The following MSRA variants were observed in gnomAD, a reference collection of about 807,000 sequenced individuals.
MSRA encodes the protein methionine sulfoxide reductase A.
A neutral mutation model predicts 31.3 loss-of-function variants in MSRA; 54 were observed. The observed-to-expected ratio is 1.73, with a 90% CI of 1.39 to 2.17. The LOEUF is 2.17. MSRA is among the 30% of genes most tolerant of loss of function. The pLI is 0.00. For missense variants in MSRA, 507 were observed against 300.9 expected, an observed-to-expected ratio of 1.69 and a Z score of -5.07; for synonymous variants, 169 against 116.5, an observed-to-expected ratio of 1.45 and a Z score of -2.90.
At chr8:10,275,109 A>G (rs1180617995) in intron 3 of MSRA, among the ~76,000 whole-genome samples, 7 of 148,464 alleles carry the variant, frequency 4.7e-5, no homozygotes, top group Non-Finnish European at 8.8e-5. Flanking sequence ...GCTGCCTTTC[A>G]TATTCCAGGT....
At chr8:10,362,702 T>C (rs780916593) in intron 5 of MSRA, among the ~76,000 whole-genome samples, 72 of 152,104 alleles carry the variant, frequency 4.7e-4, no homozygotes, top group Non-Finnish European at 8.5e-4. Context: ...GAGGACCCTT[T>C]TGCAAATTGT....
rs1802905050 is a variant in MSRA, at chr8:10,143,785, C to G, written c.143-64048C>G. On this transcript the variant is annotated intron_variant, in intron 1 of 5. Transcript: ENST00000317173. The stretch of plus-strand genomic sequence containing the variant: ...CCATTTTGCGTCACTGCAAACCTGA[C>G]TCTTCAGATACATATCCAGACAAAA... 2.6e-5 allele frequency among the ~76,000 whole-genome samples: 4 copies of G among 152,202 alleles called. No homozygotes were observed. The South Asian group carries it at 8.3e-4, about 32-fold the overall frequency.
At chr8:10,369,677 T>C (rs1258911746) in intron 5 of MSRA, among the ~76,000 whole-genome samples, 1 of 152,218 alleles carries the variant, frequency 6.6e-6, no homozygotes, top group South Asian at 2.1e-4. Flanking sequence ...GTTAAAATAA[T>C]TATTAATACG....
At chr8:10,327,194 T>G (rs1404049141) in intron 5 of MSRA, among the ~76,000 whole-genome samples, 1 of 152,230 alleles carries the variant, frequency 6.6e-6, no homozygotes, top group Non-Finnish European at 1.5e-5. Flanking sequence ...CCACTGTGTT[T>G]CAAATATAAA....
chr8:10,154,579 G>A (rs769543608), intron 1 of MSRA, among the ~76,000 whole-genome samples: 2 of 151,916 alleles, frequency 1.3e-5, no homozygotes, highest in South Asian at 2.1e-4. Context: ...GGATTTCACC[G>A]TGTTAGTCAG....
intron 5 of MSRA, among the ~76,000 whole-genome samples, chr8:10,405,840 G>A (rs1807778383): frequency 6.6e-6 from 1 of 151,432 alleles, no homozygotes; most frequent in South Asian, 2.1e-4. Context: ...CGTAATCACA[G>A]ACATGCTCAC....
intron 5 of MSRA, among the ~76,000 whole-genome samples, chr8:10,348,306 C>T (rs1803911847): frequency 6.7e-6 from 1 of 150,198 alleles, no homozygotes; most frequent in Non-Finnish European, 1.5e-5. Context: ...AGGCCTACAC[C>T]AGCAGCATGG....
intron 5 of MSRA, among the ~76,000 whole-genome samples, chr8:10,326,150 T>C (rs1802350520): frequency 6.6e-6 from 1 of 152,160 alleles, no homozygotes; most frequent in Non-Finnish European, 1.5e-5. Context: ...GGTTACTAAT[T>C]TAATAGTCTT....
At chr8:10,315,670 A>T (rs1031627219) in intron 4 of MSRA, among the ~76,000 whole-genome samples, 3 of 152,214 alleles carry the variant, frequency 2.0e-5, no homozygotes, top group Admixed American at 6.5e-5. Flanking sequence ...ACTGATTTCA[A>T]TGTAAGCATG....
At chr8:10,136,160 G>A (rs1050879667) in intron 1 of MSRA, among the ~76,000 whole-genome samples, 2 of 152,156 alleles carry the variant, frequency 1.3e-5, no homozygotes, top group African/African-American at 4.8e-5. Context: ...AGTGATAAGG[G>A]CTTGCAGTCA....
intron 2 of MSRA, among the ~76,000 whole-genome samples, chr8:10,226,016 G>A (rs1480977466): frequency 6.6e-6 from 1 of 152,184 alleles, no homozygotes; most frequent in Non-Finnish European, 1.5e-5. Flanking sequence ...AGTAACTTGG[G>A]GAAGAGCTCA....
At chr8:10,358,922 T>C (rs1183149552) in intron 5 of MSRA, among the ~76,000 whole-genome samples, 15 of 152,174 alleles carry the variant, frequency 9.9e-5, no homozygotes, top group Non-Finnish European at 5.9e-5. Context: ...TATTGTGAAC[T>C]GCACGTGTGA....
At chr8:10,243,760 G>A (rs1585256884) in intron 2 of MSRA, among the ~76,000 whole-genome samples, 1 of 152,040 alleles carries the variant, frequency 6.6e-6, no homozygotes, top group African/African-American at 2.4e-5. Context: ...AAAATCTTTA[G>A]TAGTTATAAT....
At chr8:10,316,527 CCTCTCT>C (rs139421344) in intron 4 of MSRA, among the ~76,000 whole-genome samples, 9,446 of 112,230 alleles carry the variant, frequency 0.084, 472 homozygotes, top group East Asian at 0.29. Context: ...TTTGATGATC[CCTCTCT>C]CTCTCTCTCT....
intron 1 of MSRA, among the ~76,000 whole-genome samples, chr8:10,197,283 T>G (rs1585145069): frequency 1.3e-5 from 2 of 152,222 alleles, no homozygotes; most frequent in Non-Finnish European, 2.9e-5. Context: ...TTAGACATGG[T>G]ACTTAAATGT....
chr8:10,067,265 A>G (rs1246248333), intron 1 of MSRA, among the ~76,000 whole-genome samples: 1 of 152,172 alleles, frequency 6.6e-6, no homozygotes, highest in Non-Finnish European at 1.5e-5. Context: ...TATATTTGGA[A>G]TTATATAGTA....
At chr8:10,081,830 G>T (rs980108429) in intron 1 of MSRA, among the ~76,000 whole-genome samples, 1 of 152,110 alleles carries the variant, frequency 6.6e-6, no homozygotes, top group African/African-American at 2.4e-5. Context: ...ACCCAGATTC[G>T]AAGCGGGGAC....
chr8:10,248,227 A>G (rs1797725934), intron 3 of MSRA, among the ~76,000 whole-genome samples: 1 of 152,208 alleles, frequency 6.6e-6, no homozygotes, highest in East Asian at 1.9e-4. Flanking sequence ...ATCCGTGAAT[A>G]TTTTGTAAAG....
At chr8:10,220,756 T>G (rs1231246126) in intron 2 of MSRA, among the ~76,000 whole-genome samples, 3 of 152,194 alleles carry the variant, frequency 2.0e-5, no homozygotes. Flanking sequence ...TTACCCTTTC[T>G]TTCACCAGCA....
Sources: allele counts gnomAD v4.1 joint callset (sites outside exome capture counted in the v4.1 genomes callset), GRCh38; gene constraint gnomAD v4.1.1; transcripts MANE v1.5; gene names NCBI Gene and HGNC (gene_info 2026-07-23, HGNC 2026-07-21).